OLR1: variants seen among roughly 807,000 people sequenced by gnomAD.
The protein encoded by OLR1 is oxidized low-density lipoprotein receptor 1.
A neutral mutation model predicts 31.7 loss-of-function variants in OLR1; 23 were observed. That is an observed-to-expected ratio of 0.72 (90% CI 0.52 to 1.03). The LOEUF (loss-of-function observed/expected upper bound fraction) is 1.03. Among genes scored for constraint, OLR1 ranks in the 50% least tolerant of loss-of-function variants. The probability of loss-of-function intolerance (pLI) is 0.00; values close to 1 mark genes in which losing one functional copy is unlikely to be tolerated. For synonymous variants in OLR1, 117 were observed against 115.8 expected (o/e 1.01, Z -0.07); for missense variants, 286 against 315.7 (o/e 0.91, Z 0.71).
At chr12:10,163,976 T>A (rs1170101223) in intron 3 of OLR1, among the ~76,000 whole-genome samples, 2 of 152,246 alleles carry the variant, frequency 1.3e-5, no homozygotes, top group Non-Finnish European at 2.9e-5. Flanking sequence ...CTTTATTTGC[T>A]ATCTCTACTA....
chr12:10,170,545 G>A (rs1948705415), intron 1 of OLR1: 1 of 141,684 alleles, frequency 7.1e-6, no homozygotes, highest in Non-Finnish European at 1.5e-5. Flanking sequence ...AGGCTGGAGT[G>A]CCATGGCGCC....
At chr12:10,166,104 T>C (rs187856118) in intron 3 of OLR1, among the ~76,000 whole-genome samples, 1 of 151,436 alleles carries the variant, frequency 6.6e-6, no homozygotes, top group East Asian at 2.0e-4. Flanking sequence ...CCAAGCACTT[T>C]GGGAGGCTGA....
chr12:10,174,090 C>T (rs144615021), upstream of OLR1, among the ~76,000 whole-genome samples: 1,634 of 152,120 alleles, frequency 0.011, 40 homozygotes, highest in African/African-American at 0.037. Context: ...GATGGAGTTT[C>T]ACCCTTGTTA....
chr12:10,171,495 A>AT lies in OLR1; in HGVS notation c.76+506dup, dbSNP rs538313622. Among the ~76,000 whole-genome samples, 1,087 of 152,374 alleles carry AT rather than the reference A, an allele frequency of 7.1e-3. 9 individuals carry two copies. The highest frequency in any genetic ancestry group is 0.054 in the Middle Eastern group (16 of 294). ...ATCATTTACTTTGCCTGCATAATTC[A>AT]TGAGGTACTTCAGGTTTTTGTAGTG... On this transcript the variant is annotated intron_variant, in intron 1 of 5. Coordinates refer to ENST00000309539, the MANE Select transcript of OLR1 (RefSeq NM_002543.4).
rs1451593446 is a variant in OLR1 at position 10,165,281 on chromosome 12, T to C, written c.424+1431A>G. Reference sequence around the variant, plus strand: ...CCCTCTCAAAAAAAAAAAAAGAAAATTGGCCGGGCGTGGTGGTGGGTGCCT... The same window carrying C: ...CCCTCTCAAAAAAAAAAAAAGAAAACTGGCCGGGCGTGGTGGTGGGTGCCT... On this transcript the variant is annotated intron_variant, in intron 3 of 5. Transcript: ENST00000309539. 2.9e-5 allele frequency among the ~76,000 whole-genome samples: 4 copies of C among 140,280 alleles called. No homozygotes were observed. In the East Asian group the frequency reaches 8.5e-4, roughly 30 times the overall value. 92.0% of individuals were successfully genotyped at this position (140,280 alleles called of 152,430 possible).
At chr12:10,161,053 T>C in intron 3 of OLR1, 128 bp from the exon 4 acceptor site, 1 of 1,054,028 alleles carries the variant, frequency 9.5e-7, no homozygotes, top group Non-Finnish European at 1.4e-6. Context: ...TTTTTGTTTT[T>C]GTATTTTTAG....
intron 2 of OLR1, chr12:10,167,575 C>T (rs1948673506): frequency 6.6e-6 from 1 of 152,102 alleles, no homozygotes. Context: ...AACAGACACC[C>T]ACCAGACTCA....
rs374709504 is a variant in OLR1 at position 10,159,832 on chromosome 12, C to A, written c.*48G>T. On this transcript the variant is annotated 3_prime_UTR_variant, in exon 6 of 6. Transcript: ENST00000309539. ...AAGTGACAAAGAATAGCTTAAATTC[C>A]AGAATAAAACTCAAAGACTTTTTTC... 4 of 1,544,304 alleles carry A rather than the reference C, an allele frequency of 2.6e-6. No individual in the cohort carries two copies. In the East Asian group the frequency reaches 6.8e-5, roughly 26 times the overall value.
intron 3 of OLR1, among the ~76,000 whole-genome samples, chr12:10,163,638 A>C (rs1424682979): frequency 6.6e-6 from 1 of 151,938 alleles, no homozygotes; most frequent in Non-Finnish European, 1.5e-5. Flanking sequence ...AGACTTCTCA[A>C]AGCTCTTTGG....
upstream of OLR1, among the ~76,000 whole-genome samples, chr12:10,174,159 C>A (rs544320724): frequency 2.0e-5 from 3 of 152,260 alleles, no homozygotes; most frequent in South Asian, 4.1e-4. Flanking sequence ...CTCCTGGGTT[C>A]AAGCAATTCT....
chr12:10,169,277 G>T, intron 1 of OLR1, 102 bp from the exon 2 acceptor site: 1 of 728,084 alleles, frequency 1.4e-6, no homozygotes, highest in Non-Finnish European at 2.2e-6. Flanking sequence ...CTCTGTTTAT[G>T]TTTTAGTAAA....
chr12:10,168,818 AGAAAC>A (rs1231042987), intron 2 of OLR1, among the ~76,000 whole-genome samples: 4 of 152,212 alleles, frequency 2.6e-5, no homozygotes, highest in African/African-American at 7.2e-5. Context: ...TGAAAACAAA[AGAAAC>A]AAAACAAAAC....
intron 2 of OLR1, among the ~76,000 whole-genome samples, chr12:10,167,818 A>T (rs1948675602): frequency 6.6e-6 from 1 of 152,048 alleles, no homozygotes; most frequent in Admixed American, 6.6e-5. Flanking sequence ...GGTGAAGATA[A>T]AGTGAAGGTT....
chr12:10,171,571 T>C (rs530276464), intron 1 of OLR1, among the ~76,000 whole-genome samples: 1 of 152,344 alleles, frequency 6.6e-6, no homozygotes, highest in East Asian at 1.9e-4. Context: ...ATAAATTTGG[T>C]TCCCGAGCCC....
chr12:10,173,786 T>TA (rs1283578017), upstream of OLR1, among the ~76,000 whole-genome samples: 10 of 150,150 alleles, frequency 6.7e-5, no homozygotes, highest in African/African-American at 2.4e-4. Flanking sequence ...AAAAAAGAAT[T>TA]AAAAAATACT....
chr12:10,160,621 A>G, intron 4 of OLR1, 159 bp from the exon 5 acceptor site: 1 of 999,034 alleles, frequency 1.0e-6, no homozygotes, highest in Non-Finnish European at 1.5e-6. Context: ...TAGAGATACT[A>G]CAGAGCCTGT....
intron 3 of OLR1, among the ~76,000 whole-genome samples, chr12:10,161,192 C>A (rs984758313): frequency 1.3e-4 from 20 of 152,094 alleles, no homozygotes; most frequent in African/African-American, 4.6e-4. Context: ...ACCTAAATAG[C>A]CTCAGAGTCC....
At position 10,164,900 on chromosome 12, in the gene OLR1, C is replaced by A. The variant is rs561775376; in HGVS notation, c.424+1812G>T. Among the ~76,000 whole-genome samples the A allele has an allele frequency of 5.6e-4, 85 of 152,262 alleles. 2 individuals are homozygous for A. Among genetic ancestry groups the A allele is most frequent in the Middle Eastern group, 3.4e-3 (1 of 294 alleles). On this transcript the variant is annotated intron_variant, in intron 3 of 5. Transcript: ENST00000309539. ...CTTATATAAATAGACTTCTTGGACT[C>A]CTCATATTTTTGTCTAATCTGAAGT... is the stretch of plus-strand genomic sequence containing the variant.
In OLR1 at chr12:10,167,009, C is replaced by A. The variant is rs35870697; in HGVS notation, c.179-52G>T. The stretch of plus-strand genomic sequence containing the variant: ...AGTTCTAATCCAAATAAAAATCCCT[C>A]CAGGGACTTTTTGAGGAAATCAAAA... On this transcript the variant is annotated intron_variant, in intron 2 of 5. Coordinates refer to ENST00000309539, the MANE Select transcript of OLR1 (RefSeq NM_002543.4). 780 of 1,537,224 alleles carry A rather than the reference C, an allele frequency of 5.1e-4. 3 individuals are homozygous for A. In the African/African-American group the frequency reaches 0.01, roughly 20 times the overall value.
Sources: gnomAD v4.1 joint callset for allele counts (sites outside exome capture counted in the v4.1 genomes callset) on GRCh38, gnomAD v4.1.1 for gene constraint, MANE v1.5 for transcripts, NCBI Gene and HGNC (gene_info 2026-07-23, HGNC 2026-07-21) for gene names.